The following UGT2B15 variants were observed in gnomAD, a reference collection of about 807,000 sequenced individuals.
UGT2B15 encodes the protein UDP glucuronosyltransferase family 2 member B15, also known as UDP-glucuronosyltransferase 2B15.
In UGT2B15, 36 loss-of-function variants were observed where a neutral mutation model predicts 45.9. The observed-to-expected ratio is 0.78, with a 90% CI of 0.60 to 1.04. The LOEUF (loss-of-function observed/expected upper bound fraction) is 1.04, where lower values mean the gene tolerates loss of function less well. Ranked by LOEUF, UGT2B15 falls within the 50% of genes least tolerant of loss-of-function variation. The probability of loss-of-function intolerance (pLI) is 0.00; values close to 1 mark genes in which losing one functional copy is unlikely to be tolerated. For missense variants in UGT2B15, 617 were observed against 622.4 expected, an observed-to-expected ratio of 0.99 and a Z score of 0.09; for synonymous variants, 219 against 216.4, an observed-to-expected ratio of 1.01 and a Z score of -0.11.
At chr4:68,664,086 T>C (rs1733046845) in intron 2 of UGT2B15, among the ~76,000 whole-genome samples, 2 of 152,042 alleles carry the variant, frequency 1.3e-5, no homozygotes, top group South Asian at 2.1e-4. Flanking sequence ...ACCAGGACTT[T>C]CTCCAGTGGA....
At chr4:68,659,895 G>C (rs572817773) in intron 3 of UGT2B15, among the ~76,000 whole-genome samples, 2 of 150,666 alleles carry the variant, frequency 1.3e-5, no homozygotes, top group African/African-American at 2.4e-5. Context: ...TAATCTTTTA[G>C]ACTTTGCTTA....
At position 68,670,123 on chromosome 4, in the gene UGT2B15, T is replaced by G. The variant is rs760993055; in HGVS notation, c.496A>C (p.Asn166His). The G allele has an allele frequency of 4.8e-5, 77 of 1,613,952 alleles. No homozygotes were observed. The highest frequency in any genetic ancestry group is 6.2e-5 in the Non-Finnish European group (73 of 1,179,990). Residue 166 changes from asparagine to histidine, a missense_variant, in exon 1 of 6, where the codon AAC (asparagine) becomes CAC (histidine). Physicochemically the swap from Asn to His is moderately conservative, Grantham distance 68. This residue lies in a region of UGT2B15 where 351 missense variants were observed against 342.1 expected (regional missense o/e 1.03). Transcript: ENST00000338206. ...CGAAGACTGTACAGAAAGGGTATGT[T>G]AAATAGTTCAGCCAGTAGCTCACCA... ...PCGELLAELF[N>H]IPFLYSLRFS...
rs1733255743 is a variant in UGT2B15 at position 68,670,030 on chromosome 4, C to A, written c.589G>T (p.Val197Phe). Residue 197 changes from valine to phenylalanine, a missense_variant, in exon 1 of 6, where the codon GTT (valine) becomes TTT (phenylalanine). Val to Phe is a conservative substitution (Grantham distance 50). Around this residue, in one of 3 missense-constraint regions of UGT2B15, gnomAD observed 351 missense variants for 342.1 expected, o/e 1.03. Transcript: ENST00000338206. ...GFLFPPSYVP[V>F]VMSELSDQMI... ...TGATCACTTAATTCTGACATAACAACAGGTACATAGGAAGGAGGGAACAGA... is the reference window on the plus strand; with the variant it reads ...TGATCACTTAATTCTGACATAACAAAAGGTACATAGGAAGGAGGGAACAGA... 3.7e-6 allele frequency: 6 copies of A among 1,614,046 alleles called. No homozygotes were observed. In the East Asian group the frequency reaches 1.3e-4, roughly 36 times the overall value.
intron 5 of UGT2B15, among the ~76,000 whole-genome samples, chr4:68,653,624 A>G (rs537086648): frequency 3.3e-4 from 50 of 152,142 alleles, no homozygotes; most frequent in African/African-American, 6.3e-4. Context: ...TATGCAAATT[A>G]TAATTCATTA....
At chr4:68,655,512 C>G (rs1449977463) in intron 3 of UGT2B15, among the ~76,000 whole-genome samples, 1 of 152,028 alleles carries the variant, frequency 6.6e-6, no homozygotes, top group African/African-American at 2.4e-5. Flanking sequence ...TTAGGGCAAA[C>G]CTACCTCCCA....
At chr4:68,653,211 G>T (rs1260917493) in intron 5 of UGT2B15, among the ~76,000 whole-genome samples, 2 of 151,916 alleles carry the variant, frequency 1.3e-5, no homozygotes, top group Non-Finnish European at 2.9e-5. Flanking sequence ...GTATAACAAT[G>T]TTCATAAATG....
At chr4:68,649,273 CTT>C (rs71218976) in intron 5 of UGT2B15, among the ~76,000 whole-genome samples, 7 of 93,272 alleles carry the variant, frequency 7.5e-5, no homozygotes, top group East Asian at 7.4e-4. Context: ...TTCATATAAT[CTT>C]TTTTTTTTTT....
At chr4:68,661,439 C>T (rs1210402191) in intron 3 of UGT2B15, among the ~76,000 whole-genome samples, 2 of 151,812 alleles carry the variant, frequency 1.3e-5, no homozygotes, top group Non-Finnish European at 2.9e-5. Context: ...AGTCTTAATT[C>T]TAGTAATAAA....
intron 3 of UGT2B15, among the ~76,000 whole-genome samples, chr4:68,660,367 G>T (rs186796670): frequency 6.6e-6 from 1 of 151,800 alleles, no homozygotes; most frequent in Non-Finnish European, 1.5e-5. Flanking sequence ...CCCAAGAGGA[G>T]AGGAATTCAC....
At chr4:68,648,709 T>C (rs1732557279) in intron 5 of UGT2B15, among the ~76,000 whole-genome samples, 1 of 152,120 alleles carries the variant, frequency 6.6e-6, no homozygotes, top group African/African-American at 2.4e-5. Flanking sequence ...AAGAACTCTC[T>C]CCTCCTGGGC....
intron 3 of UGT2B15, among the ~76,000 whole-genome samples, chr4:68,660,090 T>A (rs1732920320): frequency 6.6e-6 from 1 of 151,176 alleles, no homozygotes; most frequent in Non-Finnish European, 1.5e-5. Context: ...CTTTTGTCAA[T>A]ACAGTTATTT....
At chr4:68,668,563 C>G (rs1413322030) in intron 1 of UGT2B15, among the ~76,000 whole-genome samples, 1 of 151,286 alleles carries the variant, frequency 6.6e-6, no homozygotes, top group Non-Finnish European at 1.5e-5. Context: ...CCCCATGTGT[C>G]CAGGGAGGGA....
intron 3 of UGT2B15, among the ~76,000 whole-genome samples, chr4:68,658,906 T>G (rs1430810178): frequency 6.6e-6 from 1 of 152,026 alleles, no homozygotes; most frequent in East Asian, 1.9e-4. Context: ...GTGTGAGATT[T>G]TAAGAACTGA....
intron 1 of UGT2B15, among the ~76,000 whole-genome samples, 199 bp downstream of exon 1, chr4:68,669,696 T>C (rs578105715): frequency 1.3e-5 from 2 of 152,278 alleles, no homozygotes; most frequent in East Asian, 1.9e-4. Context: ...TGTCCTGTAG[T>C]AGTGATGGCC....
intron 2 of UGT2B15, 137 bp downstream of exon 2, chr4:68,667,903 T>C (rs1173393443): frequency 7.3e-7 from 1 of 1,370,864 alleles, no homozygotes; most frequent in Non-Finnish European, 9.9e-7. Flanking sequence ...TACAGAAATA[T>C]ATGATTTTCT....
In UGT2B15 at chr4:68,654,296, G is replaced by A. The variant is rs750313766; in HGVS notation, c.1094-40C>T. ...ATTTTAACAAAATTATTAATTACAA[G>A]GTATGAGAATTGAATAAGAAATGCA... On this transcript the variant is annotated intron_variant, in intron 4 of 5. Coordinates refer to ENST00000338206, the MANE Select transcript of UGT2B15 (RefSeq NM_001076.4). 3 of 1,599,418 alleles carry A rather than the reference G, an allele frequency of 1.9e-6. No individual in the cohort carries two copies. In the South Asian group the frequency reaches 3.3e-5, roughly 18 times the overall value.
rs528328358 is a variant in UGT2B15, at chr4:68,660,115, A to G, written c.1005+2893T>C. Among the ~76,000 whole-genome samples the G allele has an allele frequency of 3.7e-4, 56 of 151,608 alleles. No homozygotes were observed. The East Asian group carries it at 0.011, about 29-fold the overall frequency. On this transcript the variant is annotated intron_variant, in intron 3 of 5. Transcript: ENST00000338206. ...TACAGTTATTTGCATAAGTGCAATA[A>G]GAATCTATTTTCATTTTTAACAAAA... is the stretch of plus-strand genomic sequence containing the variant.
intron 2 of UGT2B15, among the ~76,000 whole-genome samples, chr4:68,665,774 C>T (rs1187441868): frequency 2.6e-5 from 4 of 152,042 alleles, no homozygotes; most frequent in South Asian, 2.1e-4. Context: ...TTAACAACAA[C>T]GGAGGCTCAC....
chr4:68,647,060 G>A lies in UGT2B15; in HGVS notation c.*44C>T. ...AAACCCTCCATGCTGAAATAAAGGA[G>A]GAGTCCCATCTTTCAGTCATTCCAC... On this transcript the variant is annotated 3_prime_UTR_variant, in exon 6 of 6. Coordinates refer to ENST00000338206, the MANE Select transcript of UGT2B15 (RefSeq NM_001076.4). 6.4e-7 allele frequency: 1 copy of A among 1,573,152 alleles called. No homozygotes were observed. Among genetic ancestry groups the A allele is most frequent in the Non-Finnish European group, 8.6e-7 (1 of 1,158,632 alleles).
Sources: allele counts gnomAD v4.1 joint callset (sites outside exome capture counted in the v4.1 genomes callset), GRCh38; gene constraint gnomAD v4.1.1; regional missense constraint gnomAD v4.1.1; transcripts MANE v1.5; gene names NCBI Gene and HGNC (gene_info 2026-07-23, HGNC 2026-07-21).